QSER1: variants seen among roughly 807,000 people sequenced by gnomAD.
QSER1 encodes glutamine and serine rich 1.
A neutral mutation model predicts 158.5 loss-of-function variants in QSER1; 49 were observed. The ratio of observed to expected loss-of-function variants is 0.31; its 90% CI spans 0.25 to 0.39. The LOEUF (loss-of-function observed/expected upper bound fraction) is 0.39. Among genes scored for constraint, QSER1 ranks in the 10% least tolerant of loss-of-function variants. The pLI is 1.00. For missense variants in QSER1, 1,754 were observed against 2,010.3 expected (o/e 0.87, Z 2.44); for synonymous variants, 650 against 715.5 (o/e 0.91, Z 1.46).
At chr11:32,925,786 C>A (rs975717615) in intron 1 of QSER1, among the ~76,000 whole-genome samples, 4 of 152,104 alleles carry the variant, frequency 2.6e-5, no homozygotes, top group African/African-American at 9.6e-5. Flanking sequence ...CCTCATCCTC[C>A]CAAAGTACTG....
intron 3 of QSER1, among the ~76,000 whole-genome samples, chr11:32,931,058 T>C (rs368386997): frequency 3.3e-5 from 5 of 152,174 alleles, no homozygotes; most frequent in Non-Finnish European, 7.4e-5. Flanking sequence ...TTATTTATCA[T>C]GTTAGATGTA....
intron 8 of QSER1, among the ~76,000 whole-genome samples, chr11:32,964,380 AT>A (rs1425277032): frequency 6.6e-6 from 1 of 152,150 alleles, no homozygotes; most frequent in Non-Finnish European, 1.5e-5. Context: ...GTTTGTTGTC[AT>A]TGCCTTGATT....
intron 1 of QSER1, among the ~76,000 whole-genome samples, chr11:32,908,123 A>G (rs1851717287): frequency 6.6e-6 from 1 of 152,238 alleles, no homozygotes; most frequent in Non-Finnish European, 1.5e-5. Flanking sequence ...CATTACAAAA[A>G]AAATACTGAA....
At chr11:32,958,289 G>T (rs753734876) in intron 8 of QSER1, among the ~76,000 whole-genome samples, 2 of 152,156 alleles carry the variant, frequency 1.3e-5, no homozygotes, top group African/African-American at 2.4e-5. Context: ...ATGCAGCCTT[G>T]TAAATAGAAA....
intron 1 of QSER1, among the ~76,000 whole-genome samples, chr11:32,915,065 T>A (rs1851815411): frequency 6.6e-6 from 1 of 152,030 alleles, no homozygotes; most frequent in South Asian, 2.1e-4. Context: ...GGACTACAGG[T>A]GCCACTATGC....
chr11:32,923,073 C>T (rs1385943215), intron 1 of QSER1, among the ~76,000 whole-genome samples: 1 of 152,118 alleles, frequency 6.6e-6, no homozygotes, highest in East Asian at 1.9e-4. Context: ...AAAAAACAAA[C>T]CAACCTGTGG....
chr11:32,946,522 G>A (rs915578333), intron 4 of QSER1, among the ~76,000 whole-genome samples: 1 of 152,220 alleles, frequency 6.6e-6, no homozygotes, highest in Non-Finnish European at 1.5e-5. Context: ...TGCCCCTGCT[G>A]GAGGGTGCCT....
At chr11:32,917,547 C>T (rs530611564) in intron 1 of QSER1, among the ~76,000 whole-genome samples, 38 of 152,144 alleles carry the variant, frequency 2.5e-4, no homozygotes, top group African/African-American at 8.9e-4. Flanking sequence ...ATTTTATGGC[C>T]AGGTGTGGTG....
intron 1 of QSER1, among the ~76,000 whole-genome samples, chr11:32,897,511 G>A (rs899870554): frequency 6.6e-6 from 1 of 152,124 alleles, no homozygotes. Flanking sequence ...TACTTGCCTG[G>A]TTTTCCTCCT....
intron 1 of QSER1, among the ~76,000 whole-genome samples, chr11:32,924,806 G>A (rs1386070950): frequency 6.6e-6 from 1 of 152,084 alleles, no homozygotes; most frequent in Non-Finnish European, 1.5e-5. Context: ...TGATGCTGAA[G>A]TTTGGAATAC....
rs1488090710 is a variant in QSER1, at chr11:32,966,349, A to T, written c.5019A>T (p.Ala1673=). ...TCACTCGCTTTTTGAACACAAGAGC[A>T]ATGAAGGAAACCTTTAAGAGCTACA... ...PFVTRFLNTR[A]MKETFKSYME... Residue 1673 remains alanine (A), a synonymous_variant, in exon 9 of 13, where the codon GCA becomes GCT. Transcript: ENST00000650167. 2 of 1,614,006 alleles carry T rather than the reference A, an allele frequency of 1.2e-6. No individual in the cohort carries two copies. Among genetic ancestry groups the T allele is most frequent in the East Asian group, 2.2e-5 (1 of 44,878 alleles).
At chr11:32,894,027 TC>T (rs1321287300) in intron 1 of QSER1, among the ~76,000 whole-genome samples, 2 of 151,918 alleles carry the variant, frequency 1.3e-5, no homozygotes, top group Admixed American at 1.3e-4. Context: ...AAGGAATCTT[TC>T]TTTGCCTTCT....
chr11:32,945,421 G>A (rs1387687457), intron 4 of QSER1, among the ~76,000 whole-genome samples: 1 of 150,770 alleles, frequency 6.6e-6, no homozygotes, highest in Non-Finnish European at 1.5e-5. Flanking sequence ...AGCTCTTTTA[G>A]GGCAGGCCTG....
At chr11:32,971,509 ATTTAGAATC>A (rs1852856103) in intron 10 of QSER1, among the ~76,000 whole-genome samples, 1 of 152,170 alleles carries the variant, frequency 6.6e-6, no homozygotes, top group African/African-American at 2.4e-5. Context: ...TTGTTTCCAA[ATTTAGAATC>A]TTTAGACTTT....
chr11:32,897,692 G>A (rs1851572714), intron 1 of QSER1, among the ~76,000 whole-genome samples: 1 of 152,150 alleles, frequency 6.6e-6, no homozygotes, highest in Non-Finnish European at 1.5e-5. Flanking sequence ...TACTATCTCA[G>A]TGGAGATGCC....
intron 4 of QSER1, among the ~76,000 whole-genome samples, chr11:32,935,835 T>G (rs1411347662): frequency 6.6e-6 from 1 of 152,232 alleles, no homozygotes. Context: ...GTTGCAATAG[T>G]CCAGGTGACA....
rs1244562968 is a variant in QSER1, at chr11:32,935,231, T to C, written c.3973T>C (p.Ser1325Pro). 1 of 1,613,980 alleles carries C rather than the reference T, an allele frequency of 6.2e-7. No individual in the cohort carries two copies. The highest frequency in any genetic ancestry group is 1.1e-5 in the South Asian group (1 of 91,060). ...TFCPPPLPKP[S>P]STTPTPLVSE... is the part of the protein sequence containing the mutation. ...TTGTCCCCCACCACTTCCCAAGCCTTCATCTACAACACCCACACCTTTAGT... is the reference window on the plus strand; with the variant it reads ...TTGTCCCCCACCACTTCCCAAGCCTCCATCTACAACACCCACACCTTTAGT... Residue 1325 changes from serine to proline, a missense_variant, in exon 4 of 13, where the codon TCA (serine) becomes CCA (proline). Around this residue, in one of 2 missense-constraint regions of QSER1, gnomAD observed 1,707 missense variants for 1,919.6 expected, o/e 0.89. Coordinates refer to ENST00000650167, the MANE Select transcript of QSER1 (RefSeq NM_001076786.3).
chr11:32,961,580 T>A (rs1029292397), intron 8 of QSER1, among the ~76,000 whole-genome samples: 1 of 152,318 alleles, frequency 6.6e-6, no homozygotes, highest in South Asian at 2.1e-4. Flanking sequence ...AAAACTTTTA[T>A]CATCCCAAAC....
At chr11:32,915,958 C>T (rs937961277) in intron 1 of QSER1, among the ~76,000 whole-genome samples, 1 of 150,336 alleles carries the variant, frequency 6.7e-6, no homozygotes, top group African/African-American at 2.4e-5. Flanking sequence ...ACTCTTGTTG[C>T]CTAGGCTGGA....
Sources: allele counts gnomAD v4.1 joint callset (sites outside exome capture counted in the v4.1 genomes callset), GRCh38; gene constraint gnomAD v4.1.1; regional missense constraint gnomAD v4.1.1; transcripts MANE v1.5; gene names NCBI Gene and HGNC (gene_info 2026-07-23, HGNC 2026-07-21).